Variants in TOM1L1 observed in about 807,000 individuals in gnomAD.
The protein encoded by TOM1L1 is target of myb1 like 1 membrane trafficking protein, also known as TOM1-like protein 1.
In TOM1L1, 64 loss-of-function variants were observed where a neutral mutation model predicts 63.4. The ratio of observed to expected loss-of-function variants is 1.01; its 90% CI spans 0.83 to 1.24. TOM1L1 has a LOEUF of 1.24. Ranked by LOEUF, TOM1L1 falls within the 50% of genes most tolerant of loss-of-function variation. The pLI is 0.00. For synonymous variants in TOM1L1, 166 were observed against 194.4 expected, an observed-to-expected ratio of 0.85 and a Z score of 1.22; for missense variants, 536 against 567.0, an observed-to-expected ratio of 0.95 and a Z score of 0.55.
At chr17:54,947,443 G>A in intron 12 of TOM1L1, 131 bp downstream of exon 12, 1 of 1,034,046 alleles carries the variant, frequency 9.7e-7, no homozygotes, top group Non-Finnish European at 1.4e-6. Flanking sequence ...TTAGCAAGAT[G>A]GTAAGGATCA....
chr17:54,923,467 G>C (rs1281557128), intron 7 of TOM1L1, among the ~76,000 whole-genome samples: 1 of 151,330 alleles, frequency 6.6e-6, no homozygotes, highest in East Asian at 1.9e-4. Flanking sequence ...TTTTGATTTT[G>C]ATTTGTATTT....
chr17:54,918,096 T>C (rs2048621776), intron 7 of TOM1L1, among the ~76,000 whole-genome samples: 1 of 152,150 alleles, frequency 6.6e-6, no homozygotes, highest in Admixed American at 6.6e-5. Flanking sequence ...CTTTTAGGCA[T>C]GGAGCACCCT....
At chr17:54,924,028 G>T (rs1322428395) in intron 7 of TOM1L1, among the ~76,000 whole-genome samples, 1 of 152,024 alleles carries the variant, frequency 6.6e-6, no homozygotes, top group Non-Finnish European at 1.5e-5. Context: ...ACCAGATCGT[G>T]TTGTTCCTTG....
At chr17:54,902,939 T>C (rs2048351662) in intron 1 of TOM1L1, among the ~76,000 whole-genome samples, 1 of 152,224 alleles carries the variant, frequency 6.6e-6, no homozygotes, top group Non-Finnish European at 1.5e-5. Context: ...CGGATAGTTA[T>C]CCAGCGCCAG....
At chr17:54,957,415 G>GT (rs1342870328) in intron 14 of TOM1L1, 1 of 152,098 alleles carries the variant, frequency 6.6e-6, no homozygotes, top group African/African-American at 2.4e-5. Flanking sequence ...TTCTAGAAAC[G>GT]TTTTTTTAAT....
At chr17:54,935,022 T>C (rs1355516132) in intron 8 of TOM1L1, among the ~76,000 whole-genome samples, 1 of 152,116 alleles carries the variant, frequency 6.6e-6, no homozygotes, top group Non-Finnish European at 1.5e-5. Flanking sequence ...CTGGCTGAAC[T>C]AGGTGGAATT....
intron 14 of TOM1L1, among the ~76,000 whole-genome samples, chr17:54,950,730 T>C (rs1036555370): frequency 1.3e-5 from 2 of 152,204 alleles, no homozygotes; most frequent in African/African-American, 4.8e-5. Context: ...GAAATCATTG[T>C]TCAGAAACTG....
At chr17:54,936,039 C>CT (rs2048940065) in intron 8 of TOM1L1, among the ~76,000 whole-genome samples, 1 of 150,928 alleles carries the variant, frequency 6.6e-6, no homozygotes, top group African/African-American at 2.4e-5. Context: ...AGGAGAATTG[C>CT]TTGAACCCGG....
intron 3 of TOM1L1, among the ~76,000 whole-genome samples, chr17:54,906,506 A>T (rs756119039): frequency 2.6e-5 from 4 of 151,748 alleles, no homozygotes; most frequent in Non-Finnish European, 5.9e-5. Flanking sequence ...TTGTGCATGT[A>T]TTAATTAACC....
intron 14 of TOM1L1, among the ~76,000 whole-genome samples, chr17:54,960,344 A>C (rs1002262502): frequency 6.6e-6 from 1 of 152,150 alleles, no homozygotes; most frequent in South Asian, 2.1e-4. Context: ...CAGCCTGGAC[A>C]AAAGAGTGAG....
At chr17:54,942,964 T>C (rs2049055651) in intron 11 of TOM1L1, among the ~76,000 whole-genome samples, 1 of 152,230 alleles carries the variant, frequency 6.6e-6, no homozygotes, top group African/African-American at 2.4e-5. Context: ...TTGTATTAAG[T>C]TGGTATTTGC....
intron 11 of TOM1L1, among the ~76,000 whole-genome samples, chr17:54,939,890 T>C (rs1343665931): frequency 6.6e-6 from 1 of 152,154 alleles, no homozygotes; most frequent in Non-Finnish European, 1.5e-5. Flanking sequence ...TGAGATTTCT[T>C]GGTCATTTCT....
chr17:54,906,819 C>G, intron 3 of TOM1L1: 1 of 985,352 alleles, frequency 1.0e-6, no homozygotes, highest in South Asian at 4.7e-5. Flanking sequence ...GTATGTGTTG[C>G]AAGCCCTGCC....
chr17:54,904,574 A>G (rs1597998074), intron 2 of TOM1L1, among the ~76,000 whole-genome samples: 1 of 152,072 alleles, frequency 6.6e-6, no homozygotes, highest in African/African-American at 2.4e-5. Context: ...TCCCAGGACA[A>G]TTTTTTTCCT....
chr17:54,933,780 C>G (rs1053126619), intron 8 of TOM1L1, among the ~76,000 whole-genome samples: 4 of 152,164 alleles, frequency 2.6e-5, no homozygotes, highest in Non-Finnish European at 5.9e-5. Flanking sequence ...CTCGGCCTCC[C>G]AAAGTGCTGG....
At chr17:54,927,901 C>T (rs1016695720) in intron 7 of TOM1L1, among the ~76,000 whole-genome samples, 2 of 152,162 alleles carry the variant, frequency 1.3e-5, no homozygotes, top group Non-Finnish European at 2.9e-5. Context: ...CCATCTGTCT[C>T]TTGAAAGGGC....
intron 5 of TOM1L1, 142 bp from the exon 6 acceptor site, chr17:54,914,497 G>T: frequency 1.6e-6 from 1 of 635,730 alleles, no homozygotes; most frequent in Non-Finnish European, 2.8e-6. Flanking sequence ...TGCTGGACGG[G>T]TTGTGTAGCT....
intron 8 of TOM1L1, among the ~76,000 whole-genome samples, chr17:54,931,956 T>TTTGTTTG (rs113699110): frequency 1.7e-4 from 22 of 130,318 alleles, no homozygotes; most frequent in African/African-American, 3.0e-4. Context: ...TTCGTTTTTT[T>TTTGTTTG]TTTGTTTGTT....
At chr17:54,958,209 A>C (rs1182486677) in intron 14 of TOM1L1, 2 of 152,264 alleles carry the variant, frequency 1.3e-5, no homozygotes, top group Non-Finnish European at 2.9e-5. Flanking sequence ...TTGGAAGCAA[A>C]AAGGAGCGAG....
Sources: allele counts gnomAD v4.1 joint callset (sites outside exome capture counted in the v4.1 genomes callset), GRCh38; gene constraint gnomAD v4.1.1; transcripts MANE v1.5; gene names NCBI Gene and HGNC (gene_info 2026-07-23, HGNC 2026-07-21).